Variants in CALN1 observed in about 807,000 individuals in gnomAD.
The protein encoded by CALN1 is calneuron 1.
Under a neutral mutation model 30.6 loss-of-function variants are expected in CALN1, and 17 were observed. The ratio of observed to expected loss-of-function variants is 0.56; its 90% CI spans 0.38 to 0.83. CALN1 has a LOEUF of 0.83. Ranked by LOEUF, CALN1 falls within the 40% of genes least tolerant of loss-of-function variation. CALN1 has a pLI of 0.00. For synonymous variants in CALN1, 156 were observed against 131.4 expected, an observed-to-expected ratio of 1.19 and a Z score of -1.28; for missense variants, 291 against 354.9, an observed-to-expected ratio of 0.82 and a Z score of 1.45.
At chr7:72,170,183 A>G (rs1788838621) in intron 3 of CALN1, among the ~76,000 whole-genome samples, 1 of 152,042 alleles carries the variant, frequency 6.6e-6, no homozygotes, top group Non-Finnish European at 1.5e-5. Flanking sequence ...GGATCTTACT[A>G]TGTTGTCCAG....
In CALN1 at chr7:72,395,336, ACACACACGCTG is replaced by A. The variant is rs562398973; in HGVS notation, c.119+7904_119+7914del. 4.4e-3 allele frequency among the ~76,000 whole-genome samples: 623 copies of A among 140,662 alleles called. 3 individuals are homozygous for A. Among genetic ancestry groups the A allele is most frequent in the Non-Finnish European group, 6.9e-3 (449 of 65,464 alleles). 92.3% of individuals were successfully genotyped at this position (140,662 alleles called of 152,430 possible). A position where few individuals can be genotyped will look rare whatever the true frequency, so the allele number is the denominator to read the frequency against. On this transcript the variant is annotated intron_variant, in intron 2 of 6. Transcript: ENST00000395275. ...TTTCCAGGCTTTAGCAAACACATAC[ACACACACGCTG>A]CGCACGCGCGCGCACACACACACAC...
At chr7:72,333,717 T>G (rs1801825332) in intron 2 of CALN1, among the ~76,000 whole-genome samples, 2 of 147,452 alleles carry the variant, frequency 1.4e-5, no homozygotes, top group Middle Eastern at 3.5e-3. Context: ...AAGCTTACCA[T>G]CAATCATCAA....
chr7:72,339,107 T>C lies in CALN1; in HGVS notation c.120-60297A>G, dbSNP rs528448377. Among the ~76,000 whole-genome samples the C allele has an allele frequency of 4.2e-4, 64 of 152,270 alleles. 1 individual carries two copies. Among genetic ancestry groups the C allele is most frequent in the African/African-American group, 1.5e-3 (61 of 41,562 alleles). ...TGTGCCGGGTTTATTTTACTTAACA[T>C]AATGATCTCCACTTCCATCCATGTA... On this transcript the variant is annotated intron_variant, in intron 2 of 6. Transcript: ENST00000395275.
chr7:72,424,497 A>G (rs1807734713), intron 1 of CALN1, among the ~76,000 whole-genome samples: 1 of 152,230 alleles, frequency 6.6e-6, no homozygotes, highest in Admixed American at 6.5e-5. Context: ...GCATTTCAAG[A>G]CCATCTCATA....
At chr7:72,054,516 TATAC>T (rs1379071581) in intron 4 of CALN1, among the ~76,000 whole-genome samples, 1,256 of 93,752 alleles carry the variant, frequency 0.013, 75 homozygotes, top group African/African-American at 0.068. Flanking sequence ...TATACATATA[TATAC>T]ATATATACAT....
intron 2 of CALN1, among the ~76,000 whole-genome samples, chr7:72,397,022 C>T (rs555138050): frequency 3.9e-4 from 59 of 151,928 alleles, no homozygotes; most frequent in African/African-American, 1.4e-3. Flanking sequence ...GCAATCCTCC[C>T]CCCTCAGCCT....
intron 2 of CALN1, among the ~76,000 whole-genome samples, chr7:72,331,090 C>T (rs1487866437): frequency 6.6e-6 from 1 of 152,148 alleles, no homozygotes; most frequent in Non-Finnish European, 1.5e-5. Context: ...TGGCTCATAC[C>T]TGTAATCCCA....
intron 2 of CALN1, among the ~76,000 whole-genome samples, chr7:72,344,386 C>CA (rs932211163): frequency 1.4e-4 from 21 of 151,668 alleles, no homozygotes; most frequent in African/African-American, 4.8e-4. Flanking sequence ...AGAAAAATGT[C>CA]AAAAAATATG....
chr7:71,873,162 C>G (rs186054558), intron 5 of CALN1, among the ~76,000 whole-genome samples: 6 of 151,882 alleles, frequency 4.0e-5, no homozygotes, highest in Non-Finnish European at 7.4e-5. Flanking sequence ...CACCACCACG[C>G]CTGGCTAATT....
intron 3 of CALN1, among the ~76,000 whole-genome samples, chr7:72,164,810 C>T (rs1788398738): frequency 6.6e-6 from 1 of 152,098 alleles, no homozygotes; most frequent in African/African-American, 2.4e-5. Flanking sequence ...AATACAGGTG[C>T]GTACCACCAT....
intron 1 of CALN1, among the ~76,000 whole-genome samples, chr7:72,409,727 A>T (rs899863579): frequency 6.6e-6 from 1 of 152,104 alleles, no homozygotes; most frequent in Admixed American, 6.5e-5. Flanking sequence ...AGCATGGGTT[A>T]AATGGTTTTT....
rs116547030 is a variant in CALN1 at position 71,882,526 on chromosome 7, C to T, written c.502-72034G>A. ...CTCTAACCTTGTCTCTGAATACCTG[C>T]GTTAGCACTGTGGCTTTAGCCACAC... On this transcript the variant is annotated intron_variant, in intron 5 of 6. Coordinates refer to ENST00000395275, the MANE Select transcript of CALN1 (RefSeq NM_031468.4). 2.8e-3 allele frequency among the ~76,000 whole-genome samples: 422 copies of T among 152,274 alleles called. 2 individuals are homozygous for T. The highest frequency in any genetic ancestry group is 9.3e-3 in the African/African-American group (388 of 41,546).
chr7:71,835,516 C>G (rs1362322110), intron 5 of CALN1, among the ~76,000 whole-genome samples: 1 of 152,174 alleles, frequency 6.6e-6, no homozygotes. Context: ...GATCACAAAT[C>G]GAGCACACGG....
chr7:71,991,590 TAAG>T (rs770031837), intron 5 of CALN1, among the ~76,000 whole-genome samples: 2 of 151,304 alleles, frequency 1.3e-5, no homozygotes, highest in Non-Finnish European at 2.9e-5. Context: ...TTTAAACAAA[TAAG>T]AAAAAAAAAT....
At chr7:72,333,206 C>T (rs939609414) in intron 2 of CALN1, among the ~76,000 whole-genome samples, 1 of 152,216 alleles carries the variant, frequency 6.6e-6, no homozygotes, top group African/African-American at 2.4e-5. Flanking sequence ...TCACCTCCAC[C>T]CTTGCCTAGC....
intron 5 of CALN1, among the ~76,000 whole-genome samples, chr7:71,867,690 C>T (rs1352859864): frequency 1.3e-5 from 2 of 152,032 alleles, no homozygotes; most frequent in Non-Finnish European, 2.9e-5. Flanking sequence ...ACTTTGGCCT[C>T]CCAAAGTGCT....
intron 2 of CALN1, among the ~76,000 whole-genome samples, chr7:72,360,801 TCA>T (rs754987224): frequency 2.6e-4 from 39 of 151,866 alleles, no homozygotes; most frequent in Non-Finnish European, 5.0e-4. Context: ...TCATCTCAGC[TCA>T]CTGCAACCTC....
chr7:72,298,658 G>C (rs1300224360), intron 2 of CALN1, among the ~76,000 whole-genome samples: 5 of 152,006 alleles, frequency 3.3e-5, no homozygotes, highest in Admixed American at 2.6e-4. Flanking sequence ...CCCTGATATG[G>C]TTTGGCTTCA....
chr7:72,273,359 T>C (rs1797121639), intron 3 of CALN1, among the ~76,000 whole-genome samples: 1 of 149,076 alleles, frequency 6.7e-6, no homozygotes. Flanking sequence ...GAGGCAGACG[T>C]TGCAGTGAGC....
Sources: gnomAD v4.1 joint callset for allele counts (sites outside exome capture counted in the v4.1 genomes callset) on GRCh38, gnomAD v4.1.1 for gene constraint, MANE v1.5 for transcripts, NCBI Gene and HGNC (gene_info 2026-07-23, HGNC 2026-07-21) for gene names.